RPL5: variants seen among roughly 807,000 people sequenced by gnomAD.
The protein encoded by RPL5 is ribosomal protein L5.
A neutral mutation model predicts 38.4 loss-of-function variants in RPL5; 1 was observed. The observed-to-expected ratio is 0.03, with a 90% confidence interval of 0.01 to 0.12. The LOEUF is 0.12. Among genes scored for constraint, RPL5 ranks in the 10% least tolerant of loss-of-function variants. RPL5 has a pLI of 1.00. For synonymous variants in RPL5, 109 were observed against 121.2 expected, an observed-to-expected ratio of 0.90 and a Z score of 0.66; for missense variants, 243 against 374.1, an observed-to-expected ratio of 0.65 and a Z score of 2.89.
At chr1:92,840,811 TCA>T in intron 7 of RPL5, 172 bp downstream of exon 7, 1 of 727,704 alleles carries the variant, frequency 1.4e-6, no homozygotes, top group South Asian at 1.4e-5. Context: ...TGTGTTAGCC[TCA>T]GACACTACTG....
intron 1 of RPL5, chr1:92,832,891 A>G (rs1396758890): frequency 1.5e-6 from 1 of 649,358 alleles, no homozygotes; most frequent in African/African-American, 1.8e-5. Flanking sequence ...TAACATGGGA[A>G]GCGAGAGAGG....
chr1:92,834,840 CA>C lies in RPL5; in HGVS notation c.255del (p.Lys85AsnfsTer4). The C allele has an allele frequency of 6.2e-7, 1 of 1,610,318 alleles. No individual in the cohort carries two copies. On this transcript the variant is annotated frameshift_variant, in exon 4 of 8. Transcript: ENST00000370321. LOFTEE classifies it high-confidence loss of function. Reference sequence around the variant, plus strand: ...TGCGCAGCGTATGCACACGAACTGCCAAAATATGGTGTGAAGGTTGGCCTGA... The same window carrying C: ...TGCGCAGCGTATGCACACGAACTGCCAAATATGGTGTGAAGGTTGGCCTGA... ...IVCAAYAHELPKYGVKVGLTN... is the reference protein window; with the variant it reads ...IVCAAYAHELXKYGVKVGLTN...
chr1:92,834,937 G>T, intron 4 of RPL5, 24 bp downstream of exon 4: 1 of 1,599,882 alleles, frequency 6.3e-7, no homozygotes, highest in African/African-American at 1.3e-5. Flanking sequence ...GATTTTAATT[G>T]ATGTAGTTTG....
chr1:92,836,332 G>T lies in RPL5; in HGVS notation c.467G>T (p.Gly156Val). The T allele has an allele frequency of 1.9e-6, 3 of 1,614,174 alleles. No individual in the cohort carries two copies. The highest frequency in any genetic ancestry group is 2.5e-6 in the Non-Finnish European group (3 of 1,180,026). ...LDAGLARTTT[G>V]NKVFGALKGA... Reference sequence around the variant, plus strand: ...GCAGGCCTTGCCAGAACTACCACTGGCAATAAAGTTTTTGGTGCCCTGAAG... The same window carrying T: ...GCAGGCCTTGCCAGAACTACCACTGTCAATAAAGTTTTTGGTGCCCTGAAG... Residue 156 changes from glycine (G) to valine (V), a missense_variant, in exon 5 of 8, where the codon GGC becomes GTC. Gly to Val is a moderately radical substitution (Grantham distance 109). Transcript: ENST00000370321.
At chr1:92,832,815 A>C in intron 1 of RPL5, 1 of 580,904 alleles carries the variant, frequency 1.7e-6, no homozygotes, top group Non-Finnish European at 3.1e-6. Flanking sequence ...TAGTGGGGGA[A>C]TTACTGCTGA....
Position 92,840,889 on chromosome 1 carries a change from G to T in RPL5, c.794+250G>T, listed in dbSNP as rs983188370. On this transcript the variant is annotated intron_variant, in intron 7 of 7. Coordinates refer to ENST00000370321, the MANE Select transcript of RPL5 (RefSeq NM_000969.5). ...ACTGCATTTTTTTATTGGCTGACAAGTTGCTTTTTGTTGATCTTTCATGTT... is the reference window on the plus strand; with the variant it reads ...ACTGCATTTTTTTATTGGCTGACAATTTGCTTTTTGTTGATCTTTCATGTT... 1.0e-5 allele frequency: 6 copies of T among 593,014 alleles called. No homozygotes were observed. The Admixed American group carries it at 1.0e-4, about 10-fold the overall frequency. The allele number at this position is 593,014 out of a possible 1,614,324, so 36.7% of individuals were successfully genotyped here. A position where few individuals can be genotyped will look rare whatever the true frequency, so the allele number is the denominator to read the frequency against.
chr1:92,834,640 A>G lies in RPL5; in HGVS notation c.190-139A>G, dbSNP rs981883914. 81 of 1,111,738 alleles carry G rather than the reference A, an allele frequency of 7.3e-5. No homozygotes were observed. In the African/African-American group the frequency reaches 8.9e-4, roughly 12 times the overall value. The allele number at this position is 1,111,738 out of a possible 1,614,324, so 68.9% of individuals were successfully genotyped here. ...TTTAAGCACCTCTAATTTACTGGTA[A>G]CCCAGCTAAGAGTCTTAAGCATTTT... On this transcript the variant is annotated intron_variant, in intron 3 of 7. Transcript: ENST00000370321.
chr1:92,837,364 A>G (rs1173056020), intron 5 of RPL5, 92 bp from the exon 6 acceptor site: 3 of 1,094,442 alleles, frequency 2.7e-6, no homozygotes, highest in Non-Finnish European at 4.2e-6. Context: ...TAATTGTTTC[A>G]AGACGGGACT....
At position 92,832,075 on chromosome 1, in the gene RPL5, G is replaced by A. The variant is rs569209548; in HGVS notation, c.-40G>A. 1.5e-5 allele frequency: 24 copies of A among 1,613,760 alleles called. No homozygotes were observed. Among genetic ancestry groups the A allele is most frequent in the South Asian group, 1.1e-4 (10 of 90,994 alleles). On this transcript the variant is annotated 5_prime_UTR_variant, in exon 1 of 8. Coordinates refer to ENST00000370321, the MANE Select transcript of RPL5 (RefSeq NM_000969.5). ...CCCCCTAGCGCCGCTGGGCCTGCAG[G>A]TCTCTGTCGAGCAGCGGACGCCGGT...
chr1:92,837,728 G>A (rs549274227), intron 6 of RPL5, 95 bp downstream of exon 6: 1 of 978,718 alleles, frequency 1.0e-6, no homozygotes, highest in South Asian at 1.4e-5. Context: ...ATATAGGTGT[G>A]TTTCTTGACA....
intron 3 of RPL5, chr1:92,834,077 C>T: frequency 3.9e-6 from 1 of 257,326 alleles, no homozygotes; most frequent in Non-Finnish European, 7.6e-6. Context: ...ACCTAGGTGA[C>T]AGAGCAAGAC....
In RPL5 at chr1:92,840,906, T is replaced by C. The variant is rs1191554795; in HGVS notation, c.794+267T>C. The stretch of plus-strand genomic sequence containing the variant: ...GCTGACAAGTTGCTTTTTGTTGATC[T>C]TTCATGTTTTGATCTTTAAATGGAA... On this transcript the variant is annotated intron_variant, in intron 7 of 7. Coordinates refer to ENST00000370321, the MANE Select transcript of RPL5 (RefSeq NM_000969.5). 5.3e-6 allele frequency: 3 copies of C among 567,954 alleles called. No individual in the cohort carries two copies. The African/African-American group carries it at 5.6e-5, about 11-fold the overall frequency. 35.2% of individuals were successfully genotyped at this position (567,954 alleles called of 1,614,324 possible).
chr1:92,840,649 C>CTT lies in RPL5; in HGVS notation c.794+18_794+19dup. On this transcript the variant is annotated intron_variant, in intron 7 of 7. Coordinates refer to ENST00000370321, the MANE Select transcript of RPL5 (RefSeq NM_000969.5). Reference sequence around the variant, plus strand: ...AAGTTAAAAAGAAGAGGTATGTCGTCTTTTTTTTTGTCTTTTCAAGAAAAC... The same window carrying CTT: ...AAGTTAAAAAGAAGAGGTATGTCGTCTTTTTTTTTTTGTCTTTTCAAGAAAAC... 3.2e-6 allele frequency: 5 copies of CTT among 1,573,236 alleles called. No homozygotes were observed. The highest frequency in any genetic ancestry group is 1.7e-5 in the Admixed American group (1 of 59,132).
Position 92,836,335 on chromosome 1 carries a change from A to G in RPL5, c.470A>G (p.Asn157Ser). The stretch of plus-strand genomic sequence containing the variant: ...GGCCTTGCCAGAACTACCACTGGCA[A>G]TAAAGTTTTTGGTGCCCTGAAGGGA... ...DAGLARTTTG[N>S]KVFGALKGAV... The change falls in exon 5 of 8, where the codon AAT (asparagine) becomes AGT (serine). Residue 157 changes from asparagine (N) to serine (S), a missense_variant. Coordinates refer to ENST00000370321, the MANE Select transcript of RPL5 (RefSeq NM_000969.5). 1 of 1,614,214 alleles carries G rather than the reference A, an allele frequency of 6.2e-7. No individual in the cohort carries two copies. Among genetic ancestry groups the G allele is most frequent in the Non-Finnish European group, 8.5e-7 (1 of 1,180,018 alleles).
Position 92,840,634 on chromosome 1 carries a change from G to GT in RPL5, c.789_790insT (p.Lys264Ter). ...AGAAGCCCAAGAAAGAAGTTAAAAA[G>GT]AAGAGGTATGTCGTCTTTTTTTTTG... On this transcript the variant is annotated frameshift_variant, in exon 7 of 8. Transcript: ENST00000370321. LOFTEE classifies it high-confidence loss of function. 1 of 1,606,996 alleles carries GT rather than the reference G, an allele frequency of 6.2e-7. No individual in the cohort carries two copies. The highest frequency in any genetic ancestry group is 8.5e-7 in the Non-Finnish European group (1 of 1,178,942).
rs1327868863 is a variant in RPL5 at position 92,841,732 on chromosome 1, T to C, written c.795-34T>C. The C allele has an allele frequency of 3.6e-6, 5 of 1,371,826 alleles. No individual in the cohort carries two copies. In the African/African-American group the frequency reaches 5.7e-5, roughly 16 times the overall value. The allele number at this position is 1,371,826 out of a possible 1,614,324, so 85.0% of individuals were successfully genotyped here. On this transcript the variant is annotated intron_variant, in intron 7 of 7. Transcript: ENST00000370321. ...TTAAATATTCTATTCTCTTCAGTTA[T>C]AGTTTAAAAAATATATATTCCTATC...
At chr1:92,832,824 G>A in intron 1 of RPL5, 2 of 590,818 alleles carry the variant, frequency 3.4e-6, no homozygotes. Context: ...AATTACTGCT[G>A]AATGTGCTCT....
At chr1:92,832,248 C>A in intron 1 of RPL5, 131 bp downstream of exon 1, 1 of 1,430,322 alleles carries the variant, frequency 7.0e-7, no homozygotes, top group South Asian at 1.2e-5. Context: ...CTGACTTGGT[C>A]GAGGTGCAGT....
intron 5 of RPL5, 114 bp from the exon 6 acceptor site, chr1:92,837,342 C>T (rs1486093227): frequency 1.1e-6 from 1 of 896,718 alleles, no homozygotes; most frequent in Non-Finnish European, 1.9e-6. Flanking sequence ...CCTTTGGTTG[C>T]ATATGATGCG....
Sources: gnomAD v4.1 joint callset for allele counts on GRCh38, gnomAD v4.1.1 for gene constraint, MANE v1.5 for transcripts, NCBI Gene and HGNC (gene_info 2026-07-23, HGNC 2026-07-21) for gene names.